ADAMTS6: variants seen among roughly 807,000 people sequenced by gnomAD.
The protein encoded by ADAMTS6 is ADAM metallopeptidase with thrombospondin type 1 motif 6, also known as A disintegrin and metalloproteinase with thrombospondin motifs 6.
A neutral mutation model predicts 144.3 loss-of-function variants in ADAMTS6; 23 were observed. The ratio of observed to expected loss-of-function variants is 0.16; its 90% CI spans 0.11 to 0.23. The LOEUF (loss-of-function observed/expected upper bound fraction) is 0.23, where lower values mean the gene tolerates loss of function less well. Ranked by LOEUF, ADAMTS6 falls within the 10% of genes least tolerant of loss-of-function variation. The pLI is 1.00. For synonymous variants in ADAMTS6, 444 were observed against 457.5 expected (o/e 0.97, Z 0.38); for missense variants, 999 against 1,379.6 (o/e 0.72, Z 4.37).
intron 15 of ADAMTS6, among the ~76,000 whole-genome samples, chr5:65,238,562 T>C (rs909871040): frequency 6.6e-6 from 1 of 150,626 alleles, no homozygotes; most frequent in African/African-American, 2.5e-5. Flanking sequence ...ATTGCGCCAC[T>C]GCTCTCCAGC....
intron 7 of ADAMTS6, among the ~76,000 whole-genome samples, chr5:65,341,358 A>C (rs1483909298): frequency 6.6e-6 from 1 of 151,928 alleles, no homozygotes; most frequent in Non-Finnish European, 1.5e-5. Flanking sequence ...AAATCAGAGC[A>C]ACAATAAATG....
chr5:65,471,167 C>T, intron 2 of ADAMTS6, 25 bp from the exon 3 acceptor site: 1 of 1,548,048 alleles, frequency 6.5e-7, no homozygotes, highest in Non-Finnish European at 8.6e-7. Context: ...GGCAGAGAAT[C>T]CAGAAAAAAA....
At chr5:65,185,095 G>T (rs754144209) in intron 22 of ADAMTS6, among the ~76,000 whole-genome samples, 1 of 152,172 alleles carries the variant, frequency 6.6e-6, no homozygotes, top group East Asian at 1.9e-4. Flanking sequence ...ACTGAATACC[G>T]CCTGCTCTTC....
chr5:65,285,389 C>T (rs911550322), intron 11 of ADAMTS6, among the ~76,000 whole-genome samples: 17 of 152,280 alleles, frequency 1.1e-4, no homozygotes, highest in Middle Eastern at 6.8e-3. Flanking sequence ...ACTCTTCTCA[C>T]TCATCTATTT....
chr5:65,277,541 GCCA>G (rs1313609739), intron 11 of ADAMTS6, among the ~76,000 whole-genome samples: 1 of 151,596 alleles, frequency 6.6e-6, no homozygotes, highest in African/African-American at 2.4e-5. Flanking sequence ...ACAGGTGTTA[GCCA>G]CCATACCAAG....
At chr5:65,211,957 C>T (rs1009350750) in intron 20 of ADAMTS6, among the ~76,000 whole-genome samples, 4 of 152,154 alleles carry the variant, frequency 2.6e-5, no homozygotes, top group African/African-American at 9.7e-5. Flanking sequence ...GATGCACAGA[C>T]TTCAGTGATG....
rs907770124 is a variant in ADAMTS6, at chr5:65,149,961, A to C, written c.*1875T>G. 3.9e-5 allele frequency: 6 copies of C among 152,428 alleles called. No homozygotes were observed. The highest frequency in any genetic ancestry group is 2.6e-4 in the Admixed American group (4 of 15,284). 9.4% of individuals were successfully genotyped at this position (152,428 alleles called of 1,614,324 possible). A position where few individuals can be genotyped will look rare whatever the true frequency, so the allele number is the denominator to read the frequency against. On this transcript the variant is annotated 3_prime_UTR_variant, in exon 25 of 25. Coordinates refer to ENST00000381055, the MANE Select transcript of ADAMTS6 (RefSeq NM_197941.4). Reference sequence around the variant, plus strand: ...CAGGGTTGAGAACTGTGGTGTTGAGAGAGAAAGCAGGTAACAAGATACAGA... The same window carrying C: ...CAGGGTTGAGAACTGTGGTGTTGAGCGAGAAAGCAGGTAACAAGATACAGA...
chr5:65,373,095 C>A (rs577645672), intron 7 of ADAMTS6, among the ~76,000 whole-genome samples: 3 of 151,994 alleles, frequency 2.0e-5, no homozygotes, highest in Admixed American at 2.0e-4. Context: ...ATCTCTGGGA[C>A]GTATTCAAAG....
chr5:65,248,934 C>T (rs552542473), intron 14 of ADAMTS6, among the ~76,000 whole-genome samples: 10 of 150,942 alleles, frequency 6.6e-5, no homozygotes, highest in East Asian at 1.9e-4. Context: ...AATATATATA[C>T]AATACATCAT....
At chr5:65,279,156 G>A (rs929629851) in intron 11 of ADAMTS6, among the ~76,000 whole-genome samples, 19 of 151,972 alleles carry the variant, frequency 1.3e-4, no homozygotes, top group Non-Finnish European at 5.9e-5. Context: ...TGTTGCTCAA[G>A]CTGGTCTTGA....
In ADAMTS6 at chr5:65,471,787, CA is replaced by C. The variant is rs535025881; in HGVS notation, c.98-646del. Among the ~76,000 whole-genome samples the C allele has an allele frequency of 1.5e-4, 23 of 151,498 alleles. No homozygotes were observed. The South Asian group carries it at 4.4e-3, about 29-fold the overall frequency. ...AAAAAAACAAAACGAAAAACAAAAA[CA>C]AAAACACGTCAATGGGAATGTAAAA... is the stretch of plus-strand genomic sequence containing the variant. On this transcript the variant is annotated intron_variant, in intron 2 of 24. Transcript: ENST00000381055.
chr5:65,458,975 A>G (rs564169514), intron 4 of ADAMTS6, among the ~76,000 whole-genome samples: 2 of 151,684 alleles, frequency 1.3e-5, no homozygotes, highest in East Asian at 3.9e-4. Flanking sequence ...ATCAAAGCGC[A>G]TGTTCTTTTT....
chr5:65,257,443 T>C (rs1226670207), intron 14 of ADAMTS6, among the ~76,000 whole-genome samples: 1 of 152,208 alleles, frequency 6.6e-6, no homozygotes, highest in Non-Finnish European at 1.5e-5. Context: ...TTATGGCTTT[T>C]TAAGTTAGGT....
chr5:65,179,750 C>T (rs1754219522), intron 22 of ADAMTS6, among the ~76,000 whole-genome samples: 1 of 152,020 alleles, frequency 6.6e-6, no homozygotes, highest in Non-Finnish European at 1.5e-5. Context: ...AGGAGACAGA[C>T]ATGGAAACAC....
At chr5:65,162,909 G>C (rs1441488517) in intron 24 of ADAMTS6, among the ~76,000 whole-genome samples, 1 of 152,092 alleles carries the variant, frequency 6.6e-6, no homozygotes, top group Non-Finnish European at 1.5e-5. Flanking sequence ...GTTCTGTTTT[G>C]TTTTGGGGGG....
chr5:65,354,404 T>C (rs1354492678), intron 7 of ADAMTS6, among the ~76,000 whole-genome samples: 1 of 151,726 alleles, frequency 6.6e-6, no homozygotes, highest in Non-Finnish European at 1.5e-5. Flanking sequence ...CTACAAATAA[T>C]ACAAATAATG....
At chr5:65,480,381 G>A (rs1423040353) in intron 1 of ADAMTS6, among the ~76,000 whole-genome samples, 1 of 150,274 alleles carries the variant, frequency 6.7e-6, no homozygotes, top group South Asian at 2.1e-4. Flanking sequence ...TGGTTGAGTT[G>A]ATCCTAAAGT....
chr5:65,376,424 C>A (rs182876880), intron 7 of ADAMTS6, among the ~76,000 whole-genome samples: 1 of 151,450 alleles, frequency 6.6e-6, no homozygotes, highest in East Asian at 1.9e-4. Flanking sequence ...GCAGTCCAGC[C>A]TGGGAGACAA....
At chr5:65,386,902 T>G (rs1707040539) in intron 7 of ADAMTS6, among the ~76,000 whole-genome samples, 1 of 152,196 alleles carries the variant, frequency 6.6e-6, no homozygotes, top group South Asian at 2.1e-4. Context: ...TTAACTTCTT[T>G]AATCAACATC....
Sources: allele counts gnomAD v4.1 joint callset (sites outside exome capture counted in the v4.1 genomes callset), GRCh38; gene constraint gnomAD v4.1.1; transcripts MANE v1.5; gene names NCBI Gene and HGNC (gene_info 2026-07-23, HGNC 2026-07-21).